WBP1L: variants seen among roughly 807,000 people sequenced by gnomAD.
WBP1L encodes the protein WW domain binding protein 1-like.
WBP1L carries 17 observed loss-of-function variants against 33.7 expected under a neutral mutation model. That is an observed-to-expected ratio of 0.50 (90% CI 0.34 to 0.76). WBP1L has a LOEUF of 0.76. WBP1L is among the 30% of genes least tolerant of loss of function. The pLI is 0.01. For missense variants in WBP1L, 389 were observed against 469.4 expected (o/e 0.83, Z 1.58); for synonymous variants, 173 against 190.8 (o/e 0.91, Z 0.77).
At chr10:102,772,558 CTTTTTTTTTTTTTTTT>C (rs34624231) in intron 1 of WBP1L, among the ~76,000 whole-genome samples, 2 of 64,742 alleles carry the variant, frequency 3.1e-5, no homozygotes, top group Non-Finnish European at 6.1e-5. Context: ...ATGCCCGGCC[CTTTTTTTTTTTTTTTT>C]TTTTTTTTTT....
At chr10:102,776,554 T>C in intron 1 of WBP1L, 1 of 1,152,656 alleles carries the variant, frequency 8.7e-7, no homozygotes, top group East Asian at 2.4e-5. Flanking sequence ...CACAGAACTT[T>C]CCAGTCTCCC....
chr10:102,800,278 C>T (rs759219752), intron 2 of WBP1L, among the ~76,000 whole-genome samples: 5 of 152,200 alleles, frequency 3.3e-5, no homozygotes, highest in Non-Finnish European at 7.3e-5. Context: ...CCTGGCCAGG[C>T]GGCATCAGTT....
At chr10:102,744,359 C>A (rs1317743459) in intron 1 of WBP1L, 2 of 983,918 alleles carry the variant, frequency 2.0e-6, no homozygotes, top group African/African-American at 3.5e-5. Flanking sequence ...TGATGCCAAG[C>A]GAGTGAGGGG....
In WBP1L at chr10:102,813,148, C is replaced by G; in HGVS notation, c.909C>G (p.Asp303Glu). Reference protein sequence around the residue: ...LIDDALDGPLDFCDSCHVRPP... With the variant: ...LIDDALDGPLEFCDSCHVRPP... ...ATGATGCTCTGGATGGGCCCCTGGACTTCTGCGACAGCTGCCATGTGCGGC... is the reference window on the plus strand; with the variant it reads ...ATGATGCTCTGGATGGGCCCCTGGAGTTCTGCGACAGCTGCCATGTGCGGC... The change falls in exon 4 of 4, where the codon GAC becomes GAG. Residue 303 changes from aspartate to glutamate, a missense_variant. Transcript: ENST00000448841. The G allele has an allele frequency of 6.2e-7, 1 of 1,614,064 alleles. No homozygotes were observed. The highest frequency in any genetic ancestry group is 8.5e-7 in the Non-Finnish European group (1 of 1,180,018).
intron 2 of WBP1L, among the ~76,000 whole-genome samples, chr10:102,806,196 TGA>T (rs1843732514): frequency 6.7e-6 from 1 of 149,862 alleles, no homozygotes; most frequent in African/African-American, 2.5e-5. Context: ...AGCGACAGAA[TGA>T]GACCCTGTCT....
In WBP1L at chr10:102,744,107, G is replaced by T; in HGVS notation, c.54G>T (p.Leu18=). Reference sequence around the variant, plus strand: ...TGGCGCTCCTGCTCCTCCAGGCGCTGCCCAGCCCCTTGTCAGCCAGGGCTG... The same window carrying T: ...TGGCGCTCCTGCTCCTCCAGGCGCTTCCCAGCCCCTTGTCAGCCAGGGCTG... ...GGMALLLLQA[L]PSPLSARAEP... The change falls in exon 1 of 4, where the codon CTG becomes CTT. Residue 18 remains leucine (L), a synonymous_variant. Transcript: ENST00000448841. 1 of 1,543,204 alleles carries T rather than the reference G, an allele frequency of 6.5e-7. No homozygotes were observed. The highest frequency in any genetic ancestry group is 8.7e-7 in the Non-Finnish European group (1 of 1,145,226).
chr10:102,795,633 C>G, intron 1 of WBP1L, among the ~76,000 whole-genome samples: 1 of 152,230 alleles, frequency 6.6e-6, no homozygotes, highest in Non-Finnish European at 1.5e-5. Flanking sequence ...CGAGCCTGGG[C>G]TGCCTCTGGT....
intron 1 of WBP1L, among the ~76,000 whole-genome samples, chr10:102,794,349 C>G (rs188395571): frequency 6.6e-6 from 1 of 152,250 alleles, no homozygotes; most frequent in African/African-American, 2.4e-5. Flanking sequence ...CGTGGTGGCT[C>G]ACGCCTGTAA....
At chr10:102,806,565 A>G (rs1458794905) in intron 2 of WBP1L, among the ~76,000 whole-genome samples, 3 of 152,232 alleles carry the variant, frequency 2.0e-5, no homozygotes, top group Non-Finnish European at 2.9e-5. Flanking sequence ...AAGTTTGACT[A>G]GTGAACCGGG....
intron 2 of WBP1L, among the ~76,000 whole-genome samples, chr10:102,806,218 A>C (rs1843732750): frequency 7.5e-6 from 1 of 134,184 alleles, no homozygotes; most frequent in South Asian, 2.3e-4. Context: ...TCAAAAAATA[A>C]ATAAATAACA....
chr10:102,776,480 C>T (rs1843265405), intron 1 of WBP1L: 1 of 1,604,756 alleles, frequency 6.2e-7, no homozygotes, highest in Non-Finnish European at 8.5e-7. Context: ...GTTTATTGTA[C>T]TACTGCTTTG....
At chr10:102,751,310 CTTT>C (rs1485310606) in intron 1 of WBP1L, among the ~76,000 whole-genome samples, 1 of 127,106 alleles carries the variant, frequency 7.9e-6, no homozygotes, top group Non-Finnish European at 1.6e-5. Flanking sequence ...TCAAGGTTTT[CTTT>C]TTTCTTTCCT....
chr10:102,782,820 AC>A (rs1212552264), intron 1 of WBP1L, among the ~76,000 whole-genome samples: 2 of 152,070 alleles, frequency 1.3e-5, no homozygotes, highest in Non-Finnish European at 2.9e-5. Context: ...TGACATACTG[AC>A]TTCTTTTCCT....
In WBP1L at chr10:102,813,068, G is replaced by T; in HGVS notation, c.829G>T (p.Val277Leu). The change falls in exon 4 of 4, where the codon GTG (valine) becomes TTG (leucine). Residue 277 changes from valine to leucine, a missense_variant. By Grantham distance (32) the Val-to-Leu change is conservative. Coordinates refer to ENST00000448841, the MANE Select transcript of WBP1L (RefSeq NM_001083913.2). ...FTGDSGIEVC[V>L]CNRGHHDDDL... Reference sequence around the variant, plus strand: ...AGGTGACTCGGGCATTGAAGTGTGTGTGTGCAACCGGGGCCACCATGACGA... The same window carrying T: ...AGGTGACTCGGGCATTGAAGTGTGTTTGTGCAACCGGGGCCACCATGACGA... 1 of 1,613,832 alleles carries T rather than the reference G, an allele frequency of 6.2e-7. No homozygotes were observed. The highest frequency in any genetic ancestry group is 8.5e-7 in the Non-Finnish European group (1 of 1,180,024).
At chr10:102,780,904 G>T (rs1398333174) in intron 1 of WBP1L, among the ~76,000 whole-genome samples, 4 of 152,154 alleles carry the variant, frequency 2.6e-5, no homozygotes, top group Non-Finnish European at 5.9e-5. Context: ...CTTGCACCTT[G>T]GAATATTGCC....
chr10:102,774,769 TGAAAG>T (rs1843235255), intron 1 of WBP1L, among the ~76,000 whole-genome samples: 1 of 151,980 alleles, frequency 6.6e-6, no homozygotes, highest in Non-Finnish European at 1.5e-5. Context: ...TTGCAGAAAA[TGAAAG>T]GAAAGATGAA....
rs1226189237 is a variant in WBP1L, at chr10:102,794,763, G to A, written c.91-3230G>A. ...CTCTGAGTGAAAAAGAAAAAAGTAG[G>A]GGGGTGCGAGGAGAGCTGGGGCCAA... is the stretch of plus-strand genomic sequence containing the variant. On this transcript the variant is annotated intron_variant, in intron 1 of 3. Transcript: ENST00000448841. Among the ~76,000 whole-genome samples the A allele has an allele frequency of 2.6e-5, 4 of 152,184 alleles. No homozygotes were observed. The East Asian group carries it at 7.7e-4, about 29-fold the overall frequency.
intron 1 of WBP1L, chr10:102,744,408 CTG>C (rs1006691477): frequency 6.6e-5 from 65 of 985,210 alleles, no homozygotes; most frequent in Non-Finnish European, 1.8e-5. Context: ...GCTGGGGTGA[CTG>C]TGGCTGGATA....
intron 1 of WBP1L, among the ~76,000 whole-genome samples, chr10:102,770,349 A>C (rs1843171567): frequency 6.6e-6 from 1 of 152,324 alleles, no homozygotes; most frequent in Non-Finnish European, 1.5e-5. Context: ...GTGTCTGCCC[A>C]GCAGCCTCTG....
Sources: gnomAD v4.1 joint callset for allele counts (sites outside exome capture counted in the v4.1 genomes callset) on GRCh38, gnomAD v4.1.1 for gene constraint, MANE v1.5 for transcripts, NCBI Gene and HGNC (gene_info 2026-07-23, HGNC 2026-07-21) for gene names.